Variants in MYT1L observed in about 807,000 individuals in gnomAD.
MYT1L encodes myelin transcription factor 1 like.
MYT1L carries 12 observed loss-of-function variants against 126.7 expected under a neutral mutation model. The ratio of observed to expected loss-of-function variants is 0.09; its 90% CI spans 0.06 to 0.15. The LOEUF (loss-of-function observed/expected upper bound fraction) is 0.15, where lower values mean the gene tolerates loss of function less well. Among genes scored for constraint, MYT1L ranks in the 10% least tolerant of loss-of-function variants. The probability of loss-of-function intolerance (pLI) is 1.00; values close to 1 mark genes in which losing one functional copy is unlikely to be tolerated. For missense variants in MYT1L, 979 were observed against 1,585.2 expected, an observed-to-expected ratio of 0.62 and a Z score of 6.49; for synonymous variants, 541 against 604.2, an observed-to-expected ratio of 0.90 and a Z score of 1.53.
chr2:1,992,597 G>A (rs2061531119), intron 5 of MYT1L, among the ~76,000 whole-genome samples: 1 of 152,196 alleles, frequency 6.6e-6, no homozygotes, highest in African/African-American at 2.4e-5. Context: ...GCAAAATTAT[G>A]ACTGACACAG....
chr2:2,109,875 T>TA (rs2079178183), intron 3 of MYT1L, among the ~76,000 whole-genome samples: 3 of 63,888 alleles, frequency 4.7e-5, no homozygotes, highest in Admixed American at 3.6e-4. Context: ...AGTGCTGATT[T>TA]TATATATATA....
chr2:1,821,679 A>T (rs2038547344), intron 21 of MYT1L, among the ~76,000 whole-genome samples: 2 of 152,198 alleles, frequency 1.3e-5, no homozygotes, highest in African/African-American at 2.4e-5. Flanking sequence ...CATCCCAGAC[A>T]TTGGTGCCTG....
rs2050576702 is a variant in MYT1L at position 1,903,166 on chromosome 2, T to C, written c.1946A>G (p.Asn649Ser). Residue 649 changes from asparagine to serine, a missense_variant, in exon 14 of 25, where the codon AAC becomes AGC. Asn to Ser is a conservative substitution (Grantham distance 46). Around this residue, in one of 12 missense-constraint regions of MYT1L, gnomAD observed 82 missense variants for 177.2 expected, o/e 0.46. Transcript: ENST00000647738. ...GCCATAAGTATGGTTGTCGTAACTGTTGTATTCAAACGAGGTCTTGGAATA... is the reference window on the plus strand; with the variant it reads ...GCCATAAGTATGGTTGTCGTAACTGCTGTATTCAAACGAGGTCTTGGAATA... ...EKYSKTSFEY[N>S]SYDNHTYGKR... 1.2e-6 allele frequency: 2 copies of C among 1,613,900 alleles called. No homozygotes were observed. The highest frequency in any genetic ancestry group is 2.7e-5 in the African/African-American group (2 of 74,938).
At chr2:1,849,852 C>G (rs1359762500) in intron 19 of MYT1L, among the ~76,000 whole-genome samples, 1 of 152,186 alleles carries the variant, frequency 6.6e-6, no homozygotes, top group African/African-American at 2.4e-5. Flanking sequence ...AGCGAGTTAC[C>G]TTCAGTGAGA....
intron 3 of MYT1L, among the ~76,000 whole-genome samples, chr2:2,160,996 C>A (rs1407518209): frequency 2.0e-5 from 3 of 152,096 alleles, no homozygotes; most frequent in African/African-American, 4.8e-5. Context: ...GCGGGCGGAT[C>A]ACTTGAGGTC....
At chr2:1,990,793 T>C (rs2061397340) in intron 5 of MYT1L, among the ~76,000 whole-genome samples, 2 of 152,162 alleles carry the variant, frequency 1.3e-5, no homozygotes, top group Admixed American at 6.5e-5. Flanking sequence ...GGCCCAGTCG[T>C]CTAGAGCCCT....
chr2:2,313,646 C>G (rs940792651), intron 1 of MYT1L, among the ~76,000 whole-genome samples: 3 of 151,904 alleles, frequency 2.0e-5, no homozygotes, highest in African/African-American at 7.3e-5. Context: ...TAGTAAAGTG[C>G]CAAGGGTGTG....
chr2:2,174,655 A>T (rs931570713), intron 2 of MYT1L, among the ~76,000 whole-genome samples: 1 of 152,030 alleles, frequency 6.6e-6, no homozygotes, highest in Non-Finnish European at 1.5e-5. Flanking sequence ...GACCTTTTTA[A>T]CTGGGTCCCT....
Position 1,917,161 on chromosome 2 carries a change from T to C in MYT1L, c.1618+44A>G, listed in dbSNP as rs374444892. ...AAGAGGGATGACAGAGACAGAGTCATGGGTGTTTGCACCCCCAAGGGTAGC... is the reference window on the plus strand; with the variant it reads ...AAGAGGGATGACAGAGACAGAGTCACGGGTGTTTGCACCCCCAAGGGTAGC... On this transcript the variant is annotated intron_variant, in intron 11 of 24. Coordinates refer to ENST00000647738, the MANE Select transcript of MYT1L (RefSeq NM_001303052.2). This position sits in a 1 kb window ranked among gnomAD's most constrained non-coding sequence, Gnocchi z 5.9. The C allele has an allele frequency of 1.3e-6, 2 of 1,591,310 alleles. No homozygotes were observed. Among genetic ancestry groups the C allele is most frequent in the Admixed American group, 1.7e-5 (1 of 59,084 alleles).
intron 3 of MYT1L, among the ~76,000 whole-genome samples, chr2:2,068,766 C>CTTT (rs1370285207): frequency 1.0e-3 from 6 of 5,866 alleles, no homozygotes; most frequent in East Asian, 6.3e-3. Context: ...CTGTGTTCTT[C>CTTT]TTGTTTTTTT....
chr2:2,231,476 T>C (rs867997325), intron 2 of MYT1L, among the ~76,000 whole-genome samples: 20 of 152,178 alleles, frequency 1.3e-4, no homozygotes, highest in Admixed American at 3.3e-4. Context: ...CTGGCTTTGT[T>C]GCCCAGGCTA....
chr2:1,944,017 A>C (rs1346959243), intron 8 of MYT1L, among the ~76,000 whole-genome samples: 1 of 152,184 alleles, frequency 6.6e-6, no homozygotes, highest in Non-Finnish European at 1.5e-5. Flanking sequence ...TCACCACTAA[A>C]TCACGCTGAA....
chr2:1,839,076 G>A lies in MYT1L; in HGVS notation c.3080+73C>T, dbSNP rs182401539. ...ACGGGAGAAGCTGGCACCTGCTGCC[G>A]TCATAACCAGCCGTGCCAGTCGGCT... On this transcript the variant is annotated intron_variant, in intron 21 of 24. Transcript: ENST00000647738. 4.2e-5 allele frequency: 57 copies of A among 1,372,122 alleles called. 1 individual carries two copies. Among genetic ancestry groups the A allele is most frequent in the African/African-American group, 3.2e-4 (22 of 69,078 alleles). 85.0% of individuals were successfully genotyped at this position (1,372,122 alleles called of 1,614,324 possible).
At chr2:2,308,255 C>T (rs148581258) in intron 1 of MYT1L, among the ~76,000 whole-genome samples, 2 of 151,940 alleles carry the variant, frequency 1.3e-5, no homozygotes, top group East Asian at 3.9e-4. Flanking sequence ...TCTATCTACA[C>T]TCCACCTATG....
chr2:1,923,780 G>C (rs2053872003), intron 9 of MYT1L, among the ~76,000 whole-genome samples: 1 of 152,096 alleles, frequency 6.6e-6, no homozygotes, highest in Non-Finnish European at 1.5e-5. Context: ...TCAGGTTCCT[G>C]AGAGTCAGGC....
At chr2:1,834,182 T>G (rs2040529797) in intron 21 of MYT1L, among the ~76,000 whole-genome samples, 1 of 152,238 alleles carries the variant, frequency 6.6e-6, no homozygotes, top group Non-Finnish European at 1.5e-5. Context: ...CTGCTTTGTT[T>G]GCGCAGTGGG....
chr2:2,117,706 T>C (rs1236702699), intron 3 of MYT1L, among the ~76,000 whole-genome samples: 1 of 152,036 alleles, frequency 6.6e-6, no homozygotes, highest in Non-Finnish European at 1.5e-5. Context: ...AAGAAAACCA[T>C]GACTGGGGTA....
At chr2:2,042,833 T>C (rs1284384756) in intron 4 of MYT1L, among the ~76,000 whole-genome samples, 2 of 152,196 alleles carry the variant, frequency 1.3e-5, no homozygotes, top group South Asian at 2.1e-4. Context: ...TCATTCTTGA[T>C]GTCATGACAG....
intron 17 of MYT1L, 46 bp from the exon 18 acceptor site, chr2:1,886,653 G>GT: frequency 1.5e-6 from 2 of 1,326,062 alleles, no homozygotes; most frequent in Non-Finnish European, 2.0e-6. Context: ...TGCGAAGCGC[G>GT]TAACTCCCAA....
Sources: gnomAD v4.1 joint callset for allele counts (sites outside exome capture counted in the v4.1 genomes callset) on GRCh38, gnomAD v4.1.1 for gene constraint, gnomAD v4.1.1 regional missense constraint, Gnocchi (gnomAD v3.1) non-coding constraint, MANE v1.5 for transcripts, NCBI Gene and HGNC (gene_info 2026-07-23, HGNC 2026-07-21) for gene names.